Variants in IL1RAPL2 observed in about 807,000 individuals in gnomAD.
The protein encoded by IL1RAPL2 is interleukin 1 receptor accessory protein like 2, also known as X-linked interleukin-1 receptor accessory protein-like 2.
IL1RAPL2 carries 3 observed loss-of-function variants against 44.1 expected under a neutral mutation model. The observed-to-expected ratio is 0.07, with a 90% CI of 0.03 to 0.18. The LOEUF is 0.18. IL1RAPL2 is among the 10% of genes least tolerant of loss of function. The pLI is 1.00. For synonymous variants in IL1RAPL2, 181 were observed against 178.8 expected (o/e 1.01, Z -0.10); for missense variants, 391 against 496.4 (o/e 0.79, Z 2.02).
intron 5 of IL1RAPL2, among the ~76,000 whole-genome samples, chrX:105,432,129 C>CTTTTTTTTTTTTTTTTT (rs386417369): frequency 4.5e-5 from 2 of 44,834 alleles, no homozygotes; most frequent in African/African-American, 9.2e-5. Flanking sequence ...TTCAATTTGC[C>CTTTTTTTTTTTTTTTTT]TTTTTTTTTT....
chrX:105,563,757 G>A (rs1602469060), intron 6 of IL1RAPL2, among the ~76,000 whole-genome samples: 1 of 111,107 alleles, frequency 9.0e-6, no homozygotes, highest in Non-Finnish European at 1.9e-5. Flanking sequence ...AGAAGAAAAA[G>A]AAAGACAAGG....
At chrX:104,860,593 A>G (rs1402832083) in intron 2 of IL1RAPL2, among the ~76,000 whole-genome samples, 1 of 108,769 alleles carries the variant, frequency 9.2e-6, no homozygotes, top group Non-Finnish European at 1.9e-5. Flanking sequence ...ATTTTTTTTT[A>G]TTTTGGAATA....
At chrX:105,422,548 T>C (rs968281141) in intron 5 of IL1RAPL2, among the ~76,000 whole-genome samples, 2 of 112,078 alleles carry the variant, frequency 1.8e-5, no homozygotes, top group Non-Finnish European at 3.8e-5. Flanking sequence ...TACTCATAAA[T>C]AGCTTCCAAA....
At chrX:104,642,680 T>C (rs1366230814) in intron 1 of IL1RAPL2, among the ~76,000 whole-genome samples, 2 of 111,165 alleles carry the variant, frequency 1.8e-5, no homozygotes, top group Non-Finnish European at 1.9e-5. Context: ...AGAGACAGGG[T>C]TTCACTATGT....
intron 2 of IL1RAPL2, among the ~76,000 whole-genome samples, chrX:104,890,591 GTCT>G (rs1923399876): frequency 8.9e-6 from 1 of 112,402 alleles, no homozygotes; most frequent in Non-Finnish European, 1.9e-5. Context: ...ATGCATAAAT[GTCT>G]TCTTTTGAGA....
chrX:104,843,176 T>C (rs1262053720), intron 2 of IL1RAPL2, among the ~76,000 whole-genome samples: 1 of 111,720 alleles, frequency 9.0e-6, no homozygotes, highest in Non-Finnish European at 1.9e-5. Flanking sequence ...TTCTGCCCAG[T>C]CCAAACCTCC....
At chrX:104,571,649 A>G (rs1438636271) in intron 1 of IL1RAPL2, among the ~76,000 whole-genome samples, 1 of 112,340 alleles carries the variant, frequency 8.9e-6, no homozygotes, top group African/African-American at 3.2e-5. Context: ...CTCCCCAGCC[A>G]TGCGGAACTG....
chrX:105,222,187 G>C (rs2147628254), intron 3 of IL1RAPL2, among the ~76,000 whole-genome samples: 1 of 111,802 alleles, frequency 8.9e-6, no homozygotes, highest in East Asian at 2.8e-4. Context: ...GCCATACAGG[G>C]ATACACTGAT....
chrX:105,267,394 A>G lies in IL1RAPL2; in HGVS notation c.550A>G (p.Lys184Glu), dbSNP rs984938998. The stretch of plus-strand genomic sequence containing the variant: ...GCAAATATTTTATCTGCAGGAATGC[A>G]AGCCAAAAATGTGGAGAAGCATAAT... ...EPDVVWYKEC[K>E]PKMWRSIIIQ... The change falls in exon 5 of 11, where the codon AAG becomes GAG. Residue 184 changes from lysine (K) to glutamate (E), a missense_variant. Lys to Glu is a moderately conservative substitution (Grantham distance 56). Transcript: ENST00000372582. 1 of 1,198,707 alleles carries G rather than the reference A, an allele frequency of 8.3e-7. No homozygotes were observed. Among genetic ancestry groups the G allele is most frequent in the Non-Finnish European group, 1.1e-6 (1 of 891,104 alleles).
chrX:104,710,835 C>A (rs1376974855), intron 2 of IL1RAPL2, among the ~76,000 whole-genome samples: 1 of 110,962 alleles, frequency 9.0e-6, no homozygotes, highest in Non-Finnish European at 1.9e-5. Context: ...TACTGCATCG[C>A]CAGTCATATA....
At chrX:104,593,664 T>C (rs1373886291) in intron 1 of IL1RAPL2, among the ~76,000 whole-genome samples, 2 of 112,119 alleles carry the variant, frequency 1.8e-5, no homozygotes, top group Non-Finnish European at 3.8e-5. Flanking sequence ...TTCTTTCACT[T>C]CCAGTTTTAT....
At chrX:105,224,220 A>G (rs2033994231) in intron 3 of IL1RAPL2, among the ~76,000 whole-genome samples, 1 of 111,288 alleles carries the variant, frequency 9.0e-6, no homozygotes, top group Admixed American at 9.6e-5. Flanking sequence ...GAAGTAGACA[A>G]TCAAAAAAGG....
At chrX:105,603,475 A>C (rs1223132655) in intron 6 of IL1RAPL2, among the ~76,000 whole-genome samples, 1 of 111,862 alleles carries the variant, frequency 8.9e-6, no homozygotes, top group African/African-American at 3.2e-5. Context: ...TCAATTCAGC[A>C]AGAATGTATC....
chrX:105,754,245 G>T (rs1488456878), intron 9 of IL1RAPL2, among the ~76,000 whole-genome samples: 2 of 111,832 alleles, frequency 1.8e-5, no homozygotes, highest in Non-Finnish European at 3.8e-5. Context: ...TTTTTAATAA[G>T]GGAATTTTGA....
At chrX:104,702,672 T>A (rs935487130) in intron 2 of IL1RAPL2, among the ~76,000 whole-genome samples, 2 of 111,782 alleles carry the variant, frequency 1.8e-5, no homozygotes, top group Non-Finnish European at 3.8e-5. Flanking sequence ...TAGTGCACCA[T>A]CTTGCTTCTG....
At chrX:105,285,822 G>C (rs771177872) in intron 5 of IL1RAPL2, among the ~76,000 whole-genome samples, 1 of 111,785 alleles carries the variant, frequency 8.9e-6, no homozygotes, top group African/African-American at 3.3e-5. Context: ...TGCTAATCTG[G>C]TTTATAAAAG....
chrX:104,929,525 T>A (rs1924848840), intron 2 of IL1RAPL2, among the ~76,000 whole-genome samples: 1 of 111,867 alleles, frequency 8.9e-6, no homozygotes, highest in Admixed American at 9.5e-5. Flanking sequence ...CAAGTGTCAC[T>A]TGAGCAGCCC....
chrX:104,901,012 C>T, intron 2 of IL1RAPL2, among the ~76,000 whole-genome samples: 1 of 110,870 alleles, frequency 9.0e-6, no homozygotes, highest in Non-Finnish European at 1.9e-5. Context: ...TTACTATTCA[C>T]CAGATTCTCA....
chrX:105,505,089 C>T (rs1366522552), intron 6 of IL1RAPL2, among the ~76,000 whole-genome samples: 1 of 111,276 alleles, frequency 9.0e-6, no homozygotes. Flanking sequence ...CCCTACCCTC[C>T]CTTCCTTACC....
Sources: allele counts gnomAD v4.1 joint callset (sites outside exome capture counted in the v4.1 genomes callset), GRCh38; gene constraint gnomAD v4.1.1; transcripts MANE v1.5; gene names NCBI Gene and HGNC (gene_info 2026-07-23, HGNC 2026-07-21).